The following AFAP1 variants were observed in gnomAD, a reference collection of about 807,000 sequenced individuals.
AFAP1 encodes the protein actin filament-associated protein 1.
AFAP1 carries 75 observed loss-of-function variants against 93.9 expected under a neutral mutation model. That is an observed-to-expected ratio of 0.80 (90% CI 0.66 to 0.97). AFAP1 has a LOEUF of 0.97. Among genes scored for constraint, AFAP1 ranks in the 50% least tolerant of loss-of-function variants. The probability of loss-of-function intolerance (pLI) is 0.00; values close to 1 mark genes in which losing one functional copy is unlikely to be tolerated. For missense variants in AFAP1, 1,201 were observed against 1,050.8 expected, an observed-to-expected ratio of 1.14 and a Z score of -1.98; for synonymous variants, 517 against 430.7, an observed-to-expected ratio of 1.20 and a Z score of -2.48.
chr4:7,822,831 G>C (rs1721092078), intron 6 of AFAP1, among the ~76,000 whole-genome samples: 1 of 148,244 alleles, frequency 6.7e-6, no homozygotes, highest in African/African-American at 2.5e-5. Context: ...CGGACCTTGT[G>C]ATCCGCCCGC....
chr4:7,926,838 C>T (rs1487636893), intron 1 of AFAP1, among the ~76,000 whole-genome samples: 1 of 152,166 alleles, frequency 6.6e-6, no homozygotes, highest in East Asian at 1.9e-4. Context: ...CTGGTTCAAG[C>T]GATTCTCCCG....
intron 1 of AFAP1, among the ~76,000 whole-genome samples, chr4:7,938,785 G>C (rs1346020491): frequency 1.3e-5 from 2 of 152,098 alleles, no homozygotes; most frequent in African/African-American, 4.8e-5. Context: ...GCTCCGGGCA[G>C]TAGGGCCCTG....
intron 16 of AFAP1, among the ~76,000 whole-genome samples, chr4:7,771,864 G>C (rs1043618885): frequency 6.6e-6 from 1 of 152,124 alleles, no homozygotes; most frequent in Non-Finnish European, 1.5e-5. Context: ...GGGCAGGGAT[G>C]GGGGGATGGG....
intron 1 of AFAP1, among the ~76,000 whole-genome samples, chr4:7,882,207 TAGATA>T (rs1560218154): frequency 6.7e-6 from 1 of 148,912 alleles, no homozygotes; most frequent in African/African-American, 2.4e-5. Context: ...CTAGGTTAAA[TAGATA>T]ATTCATTTCA....
rs1208029110 is a variant in AFAP1 at position 7,939,143 on chromosome 4, G to A, written c.-3+513C>T. 1 of 187,488 alleles carries A rather than the reference G, an allele frequency of 5.3e-6. No homozygotes were observed. Among genetic ancestry groups the A allele is most frequent in the South Asian group, 7.4e-5 (1 of 13,550 alleles). The allele number at this position is 187,488 out of a possible 1,614,324, so 11.6% of individuals were successfully genotyped here. A position where few individuals can be genotyped will look rare whatever the true frequency, so the allele number is the denominator to read the frequency against. ...TGGGTCCACGCAACAACCTATAGGTGACAAAACACTCAGGAAGCCGTCATG... is the reference window on the plus strand; with the variant it reads ...TGGGTCCACGCAACAACCTATAGGTAACAAAACACTCAGGAAGCCGTCATG... On this transcript the variant is annotated intron_variant, in intron 1 of 17. Transcript: ENST00000420658. This position sits in a 1 kb window ranked among gnomAD's most constrained non-coding sequence, Gnocchi z 5.6.
chr4:7,903,552 A>G (rs1442687526), intron 1 of AFAP1, among the ~76,000 whole-genome samples: 1 of 152,180 alleles, frequency 6.6e-6, no homozygotes, highest in African/African-American at 2.4e-5. Context: ...GGTGGTGCAC[A>G]CCTGTAATCC....
intron 8 of AFAP1, among the ~76,000 whole-genome samples, chr4:7,813,357 C>A (rs1720213142): frequency 6.6e-6 from 1 of 152,148 alleles, no homozygotes; most frequent in South Asian, 2.1e-4. Context: ...AAGCACCATG[C>A]CAGACAAAAA....
At chr4:7,773,250 C>G (rs912308092) in intron 15 of AFAP1, 11 of 535,336 alleles carry the variant, frequency 2.1e-5, no homozygotes, top group Non-Finnish European at 9.5e-6. Context: ...GATGCTGATT[C>G]TGACGAAGGC....
At chr4:7,850,984 G>A (rs957671684) in intron 4 of AFAP1, among the ~76,000 whole-genome samples, 107 of 150,552 alleles carry the variant, frequency 7.1e-4, no homozygotes, top group Non-Finnish European at 1.1e-3. Context: ...AAGTGTGCAC[G>A]GCTAATCTAG....
chr4:7,918,171 C>A (rs569644837), intron 1 of AFAP1, among the ~76,000 whole-genome samples: 21 of 149,428 alleles, frequency 1.4e-4, no homozygotes, highest in Middle Eastern at 3.4e-3. Context: ...GGAAACCGGG[C>A]TGCCAGAAGA....
intron 12 of AFAP1, among the ~76,000 whole-genome samples, chr4:7,785,555 A>C (rs899441567): frequency 6.6e-6 from 1 of 152,168 alleles, no homozygotes; most frequent in Non-Finnish European, 1.5e-5. Flanking sequence ...ATACTGTGCT[A>C]TGTTTTGATT....
intron 6 of AFAP1, among the ~76,000 whole-genome samples, chr4:7,823,649 G>C (rs939687056): frequency 6.6e-6 from 1 of 152,122 alleles, no homozygotes; most frequent in Non-Finnish European, 1.5e-5. Context: ...TCACGTAATC[G>C]CCTTTCCAAG....
intron 10 of AFAP1, among the ~76,000 whole-genome samples, chr4:7,795,347 C>T (rs1053137390): frequency 2.5e-5 from 3 of 121,150 alleles, no homozygotes; most frequent in Non-Finnish European, 5.2e-5. Flanking sequence ...TGGATTAAAA[C>T]AAAAAAAACC....
At chr4:7,793,889 T>C in intron 10 of AFAP1, 63 bp from the exon 11 acceptor site, 1 of 1,437,398 alleles carries the variant, frequency 7.0e-7, no homozygotes, top group African/African-American at 1.4e-5. Flanking sequence ...TTCATAAATG[T>C]GTCAATAAAG....
At chr4:7,774,079 G>A (rs905779430) in intron 15 of AFAP1, 1 of 152,498 alleles carries the variant, frequency 6.6e-6, no homozygotes, top group African/African-American at 2.4e-5. Flanking sequence ...GGGAGGCCAT[G>A]CGTAGGTAAG....
rs1186117154 is a variant in AFAP1 at position 7,774,767 on chromosome 4, G to A, written c.2034C>T (p.Asp678=). The A allele has an allele frequency of 6.2e-7, 1 of 1,614,214 alleles. No individual in the cohort carries two copies. The change falls in exon 15 of 18, where the codon GAC becomes GAT. Residue 678 remains aspartate (D), a synonymous_variant. Transcript: ENST00000420658. ...RLAQLRKERK[D]LRAAIEVNAG... is the part of the protein sequence containing the mutation. Reference sequence around the variant, plus strand: ...CGTTCACTTCAATAGCCGCTCGAAGGTCTTTTCTTTCCTTGCGGAGCTGGG... The same window carrying A: ...CGTTCACTTCAATAGCCGCTCGAAGATCTTTTCTTTCCTTGCGGAGCTGGG...
intron 1 of AFAP1, among the ~76,000 whole-genome samples, chr4:7,933,296 C>T (rs904959219): frequency 2.6e-5 from 4 of 151,880 alleles, no homozygotes; most frequent in Admixed American, 6.6e-5. Context: ...CAGAACTGGC[C>T]GAGCACGGTG....
intron 1 of AFAP1, among the ~76,000 whole-genome samples, chr4:7,882,249 T>C (rs1717893959): frequency 6.6e-6 from 1 of 151,844 alleles, no homozygotes; most frequent in Non-Finnish European, 1.5e-5. Flanking sequence ...AAAAAAATAA[T>C]TTACCAGAAT....
chr4:7,842,568 C>G (rs1257861830), intron 5 of AFAP1: 1 of 152,076 alleles, frequency 6.6e-6, no homozygotes, highest in Middle Eastern at 3.1e-3. Flanking sequence ...ACACCGTCCT[C>G]CCGGAATGCA....
Sources: allele counts gnomAD v4.1 joint callset (sites outside exome capture counted in the v4.1 genomes callset), GRCh38; gene constraint gnomAD v4.1.1; non-coding constraint Gnocchi (gnomAD v3.1); transcripts MANE v1.5; gene names NCBI Gene and HGNC (gene_info 2026-07-23, HGNC 2026-07-21).